The following ATG13 variants were observed in gnomAD, a reference collection of about 807,000 sequenced individuals.
ATG13 encodes the protein autophagy related 13, also known as autophagy-related protein 13.
Under a neutral mutation model 65.5 loss-of-function variants are expected in ATG13, and 23 were observed. That is an observed-to-expected ratio of 0.35 (90% CI 0.25 to 0.50). The LOEUF (loss-of-function observed/expected upper bound fraction) is 0.50, where lower values mean the gene tolerates loss of function less well. Ranked by LOEUF, ATG13 falls within the 20% of genes least tolerant of loss-of-function variation. The pLI, the probability that ATG13 is intolerant of heterozygous loss-of-function variation, is 0.98. For synonymous variants in ATG13, 252 were observed against 245.2 expected (o/e 1.03, Z -0.26); for missense variants, 566 against 677.0 (o/e 0.84, Z 1.82).
Position 46,665,436 on chromosome 11 carries a change from C to G in ATG13, c.1053C>G (p.Val351=). Residue 351 remains valine, a synonymous_variant, in exon 14 of 19, where the codon GTC becomes GTG. Coordinates refer to ENST00000683050, the MANE Select transcript of ATG13 (RefSeq NM_001346311.2). ...TACCCCTTGCTCCCAACCAGCCTGT[C>G]CATGGTACCCAGGCTGACCAGGAGA... The part of the protein sequence containing the change: ...GGVPLAPNQP[V]HGTQADQERL... 1 of 1,614,190 alleles carries G rather than the reference C, an allele frequency of 6.2e-7. No individual in the cohort carries two copies. The highest frequency in any genetic ancestry group is 1.7e-5 in the Admixed American group (1 of 60,026).
intron 11 of ATG13, among the ~76,000 whole-genome samples, chr11:46,662,987 C>G (rs1300576976): frequency 3.9e-5 from 6 of 152,060 alleles, no homozygotes; most frequent in Non-Finnish European, 5.9e-5. Flanking sequence ...TGGAACAGTC[C>G]AGGCGCGGTG....
intron 5 of ATG13, 73 bp from the exon 6 acceptor site, chr11:46,649,064 T>C: frequency 7.4e-7 from 1 of 1,346,368 alleles, no homozygotes; most frequent in Non-Finnish European, 1.0e-6. Flanking sequence ...CCTTTTAATA[T>C]TTTTATAGTG....
intron 10 of ATG13, among the ~76,000 whole-genome samples, chr11:46,658,840 A>G (rs2060567174): frequency 6.6e-6 from 1 of 152,128 alleles, no homozygotes; most frequent in Non-Finnish European, 1.5e-5. Flanking sequence ...CAATTTAGAA[A>G]AAAAGAAAAG....
rs1400055902 is a variant in ATG13 at position 46,672,825 on chromosome 11, C to T, written c.*493C>T. The T allele has an allele frequency of 7.9e-7, 1 of 1,266,060 alleles. No individual in the cohort carries two copies. Among genetic ancestry groups the T allele is most frequent in the African/African-American group, 1.5e-5 (1 of 65,560 alleles). 78.4% of individuals were successfully genotyped at this position (1,266,060 alleles called of 1,614,324 possible). A position where few individuals can be genotyped will look rare whatever the true frequency, so the allele number is the denominator to read the frequency against. ...AAGGAAGGAGTCCCTTAGCTCTCTT[C>T]ATTGTCCCCTTTACTTCCTGCTATC... On this transcript the variant is annotated 3_prime_UTR_variant, in exon 19 of 19. Transcript: ENST00000683050.
chr11:46,625,595 C>T (rs1225642992), intron 1 of ATG13, among the ~76,000 whole-genome samples: 5 of 152,066 alleles, frequency 3.3e-5, no homozygotes, highest in Non-Finnish European at 5.9e-5. Flanking sequence ...AGTGATTGCC[C>T]ATCCCCCCAG....
At chr11:46,651,987 G>A (rs371781003) in intron 7 of ATG13, among the ~76,000 whole-genome samples, 4 of 151,960 alleles carry the variant, frequency 2.6e-5, no homozygotes, top group South Asian at 4.1e-4. Flanking sequence ...CCGGACGCAC[G>A]GCTGTAATCC....
chr11:46,656,417 G>A (rs1185850366), intron 8 of ATG13, 144 bp downstream of exon 8: 14 of 818,206 alleles, frequency 1.7e-5, no homozygotes, highest in Middle Eastern at 5.8e-4. Context: ...ATGCAGGTAG[G>A]TGGTCCAGGT....
At chr11:46,640,406 C>G (rs896507563) in intron 2 of ATG13, among the ~76,000 whole-genome samples, 1 of 152,156 alleles carries the variant, frequency 6.6e-6, no homozygotes, top group Non-Finnish European at 1.5e-5. Context: ...AAGATATTTG[C>G]AGTATGTATA....
Position 46,657,125 on chromosome 11 carries a change from G to A in ATG13, c.530G>A (p.Gly177Asp). ...GFQTVRVGTV[G>D]TPVGTITLSC... The stretch of plus-strand genomic sequence containing the variant: ...CAGACAGTTCGTGTTGGGACAGTGG[G>A]CACCCCTGTGGGCACCATCACTCTT... The change falls in exon 9 of 19, where the codon GGC becomes GAC. Residue 177 changes from glycine (G) to aspartate (D), a missense_variant. By Grantham distance (94) the Gly-to-Asp change is moderately conservative. Transcript: ENST00000683050. 6.2e-7 allele frequency: 1 copy of A among 1,614,064 alleles called. No individual in the cohort carries two copies. Among genetic ancestry groups the A allele is most frequent in the Non-Finnish European group, 8.5e-7 (1 of 1,179,984 alleles).
chr11:46,644,045 A>T (rs1241180283), intron 2 of ATG13, among the ~76,000 whole-genome samples: 1 of 152,156 alleles, frequency 6.6e-6, no homozygotes, highest in Non-Finnish European at 1.5e-5. Flanking sequence ...ATCAGGTAAA[A>T]TGTTCTCATT....
At chr11:46,656,394 A>G (rs1384096879) in intron 8 of ATG13, 121 bp downstream of exon 8, 2 of 1,010,550 alleles carry the variant, frequency 2.0e-6, no homozygotes, top group Non-Finnish European at 2.9e-6. Context: ...ATACAAGTAA[A>G]GAAAAGATGA....
chr11:46,642,366 C>T (rs535926962), intron 2 of ATG13, among the ~76,000 whole-genome samples: 135 of 128,024 alleles, frequency 1.1e-3, no homozygotes, highest in African/African-American at 3.9e-3. Flanking sequence ...AGTGCAGTGG[C>T]GCAATCTCAG....
At chr11:46,617,935 C>G in intron 1 of ATG13, 45 bp downstream of exon 1, 2 of 398,982 alleles carry the variant, frequency 5.0e-6, no homozygotes, top group Non-Finnish European at 8.8e-6. Flanking sequence ...TCAGCGCCCC[C>G]GGGTGGGAGG....
intron 2 of ATG13, among the ~76,000 whole-genome samples, chr11:46,638,306 G>A (rs913941123): frequency 7.9e-5 from 12 of 151,906 alleles, no homozygotes; most frequent in African/African-American, 1.9e-4. Context: ...GCGAGGTGGC[G>A]CATGCCTATA....
chr11:46,658,436 C>T (rs1241627796), intron 10 of ATG13, among the ~76,000 whole-genome samples: 1 of 152,164 alleles, frequency 6.6e-6, no homozygotes, highest in Non-Finnish European at 1.5e-5. Context: ...TGGCTAACAC[C>T]TATAATCCCG....
chr11:46,623,163 G>A (rs1431173707), intron 1 of ATG13, among the ~76,000 whole-genome samples: 8 of 152,012 alleles, frequency 5.3e-5, no homozygotes, highest in South Asian at 2.1e-4. Flanking sequence ...GTGTGGTGGC[G>A]GGCACCTGGG....
At chr11:46,634,077 A>G (rs571058625) in intron 2 of ATG13, among the ~76,000 whole-genome samples, 2 of 151,498 alleles carry the variant, frequency 1.3e-5, no homozygotes, top group South Asian at 4.2e-4. Context: ...CTATTTTCTC[A>G]GCTGAGTTTG....
intron 2 of ATG13, among the ~76,000 whole-genome samples, chr11:46,634,839 C>CT (rs1380635268): frequency 6.6e-6 from 1 of 151,768 alleles, no homozygotes; most frequent in East Asian, 1.9e-4. Flanking sequence ...GTAGCTGGGA[C>CT]TACAGGTGTG....
intron 1 of ATG13, among the ~76,000 whole-genome samples, chr11:46,619,372 CTTTTTTT>C (rs746642470): frequency 2.0e-4 from 7 of 35,324 alleles, no homozygotes; most frequent in Admixed American, 3.2e-4. Flanking sequence ...AGATTTCTTG[CTTTTTTT>C]TTTTTTTTTT....
Sources: allele counts gnomAD v4.1 joint callset (sites outside exome capture counted in the v4.1 genomes callset), GRCh38; gene constraint gnomAD v4.1.1; transcripts MANE v1.5; gene names NCBI Gene and HGNC (gene_info 2026-07-23, HGNC 2026-07-21).